The following CFAP299 variants were observed in gnomAD, a reference collection of about 807,000 sequenced individuals.
CFAP299 encodes cilia and flagella associated protein 299.
CFAP299 carries 21 observed loss-of-function variants against 27.0 expected under a neutral mutation model. The ratio of observed to expected loss-of-function variants is 0.78; its 90% CI spans 0.55 to 1.12. The LOEUF is 1.12. Among genes scored for constraint, CFAP299 ranks in the 50% most tolerant of loss-of-function variants. The pLI is 0.00. For missense variants in CFAP299, 310 were observed against 276.6 expected (o/e 1.12, Z -0.86); for synonymous variants, 104 against 98.1 (o/e 1.06, Z -0.36).
chr4:80,820,424 G>A (rs1285929258), intron 3 of CFAP299, among the ~76,000 whole-genome samples: 1 of 152,134 alleles, frequency 6.6e-6, no homozygotes, highest in Non-Finnish European at 1.5e-5. Context: ...GTAAAGGAGA[G>A]ATGGATGTAA....
At chr4:80,321,821 AC>A in the CFAP299 span, among the ~76,000 whole-genome samples, 2 of 152,156 alleles carry the variant, frequency 1.3e-5, no homozygotes, top group Non-Finnish European at 2.9e-5. Context: ...GGATGTGGAG[AC>A]CAAGAATAAT....
At chr4:80,702,063 T>C (rs1721523823) in intron 3 of CFAP299, among the ~76,000 whole-genome samples, 1 of 151,816 alleles carries the variant, frequency 6.6e-6, no homozygotes, top group African/African-American at 2.4e-5. Context: ...TCCAAACAGG[T>C]GGGAAAATGA....
At chr4:80,644,406 T>C (rs1420898638) in intron 3 of CFAP299, among the ~76,000 whole-genome samples, 2 of 152,108 alleles carry the variant, frequency 1.3e-5, no homozygotes, top group South Asian at 4.1e-4. Context: ...AGACTAAAAA[T>C]CAAAAACATC....
intron 3 of CFAP299, among the ~76,000 whole-genome samples, chr4:80,626,520 G>A (rs1738914313): frequency 1.3e-5 from 2 of 151,476 alleles, no homozygotes; most frequent in Admixed American, 6.6e-5. Flanking sequence ...TAAAAGGAAG[G>A]AAATAATAAA....
chr4:80,859,992 A>G (rs1732212269), intron 3 of CFAP299, among the ~76,000 whole-genome samples: 1 of 152,128 alleles, frequency 6.6e-6, no homozygotes, highest in African/African-American at 2.4e-5. Flanking sequence ...CCTGGATAAT[A>G]TCCTGCAGAG....
At chr4:80,394,780 T>C (rs1221131887) in intron 2 of CFAP299, among the ~76,000 whole-genome samples, 1 of 152,158 alleles carries the variant, frequency 6.6e-6, no homozygotes, top group East Asian at 1.9e-4. Context: ...GTTCATTGGC[T>C]TGTATGTCTG....
chr4:80,816,816 C>T (rs893069961), intron 3 of CFAP299, among the ~76,000 whole-genome samples: 15 of 152,130 alleles, frequency 9.9e-5, no homozygotes, highest in African/African-American at 2.7e-4. Flanking sequence ...ACATAAAATA[C>T]GCTGCCACTA....
At chr4:80,771,273 A>T (rs916437116) in intron 3 of CFAP299, among the ~76,000 whole-genome samples, 1 of 152,124 alleles carries the variant, frequency 6.6e-6, no homozygotes, top group Admixed American at 6.6e-5. Flanking sequence ...ACCAGCATAG[A>T]TGTTTATGCT....
chr4:80,566,842 C>T (rs1735318616), intron 2 of CFAP299, among the ~76,000 whole-genome samples: 1 of 151,972 alleles, frequency 6.6e-6, no homozygotes, highest in Non-Finnish European at 1.5e-5. Context: ...CGAACACATT[C>T]AGACACAAAG....
At chr4:80,869,596 C>T (rs536506395) in intron 3 of CFAP299, among the ~76,000 whole-genome samples, 1 of 152,290 alleles carries the variant, frequency 6.6e-6, no homozygotes, top group South Asian at 2.1e-4. Context: ...TCACTGCAAC[C>T]TCTGCTTCCT....
chr4:80,921,542 T>C (rs912231346), intron 4 of CFAP299, among the ~76,000 whole-genome samples: 14 of 152,158 alleles, frequency 9.2e-5, no homozygotes, highest in African/African-American at 3.4e-4. Flanking sequence ...AAACTATCAG[T>C]AGTTCAGGGT....
intron 2 of CFAP299, among the ~76,000 whole-genome samples, chr4:80,442,166 C>A (rs950208584): frequency 2.0e-5 from 3 of 152,104 alleles, no homozygotes; most frequent in Non-Finnish European, 4.4e-5. Flanking sequence ...AGAAAATTAA[C>A]AAGGATATTC....
At position 80,413,288 on chromosome 4, in the gene CFAP299, C is replaced by T. The variant is rs145265222; in HGVS notation, c.242+50404C>T. 6.3e-4 allele frequency among the ~76,000 whole-genome samples: 96 copies of T among 152,242 alleles called. 1 individual carries two copies. Among genetic ancestry groups the T allele is most frequent in the African/African-American group, 2.2e-3 (92 of 41,540 alleles). On this transcript the variant is annotated intron_variant, in intron 2 of 5. Coordinates refer to ENST00000358105, the MANE Select transcript of CFAP299 (RefSeq NM_152770.3). Reference sequence around the variant, plus strand: ...GCTGGCTGTGGCTTTGAAGCCTTACCCTTAGGTGATTGTGAAAGCAGCAGG... The same window carrying T: ...GCTGGCTGTGGCTTTGAAGCCTTACTCTTAGGTGATTGTGAAAGCAGCAGG...
chr4:80,533,933 C>T (rs1284917642), intron 2 of CFAP299, among the ~76,000 whole-genome samples: 1 of 151,926 alleles, frequency 6.6e-6, no homozygotes, highest in Non-Finnish European at 1.5e-5. Context: ...ATGATAGGTT[C>T]ATAATATTAT....
chr4:80,354,703 T>G (rs954898410), intron 1 of CFAP299, among the ~76,000 whole-genome samples: 6 of 152,130 alleles, frequency 3.9e-5, no homozygotes, highest in Non-Finnish European at 8.8e-5. Flanking sequence ...TGCCAGTGTG[T>G]GTTTTTTCCC....
intron 2 of CFAP299, among the ~76,000 whole-genome samples, chr4:80,400,236 G>C (rs1726073012): frequency 6.6e-6 from 1 of 152,090 alleles, no homozygotes; most frequent in Admixed American, 6.6e-5. Context: ...ACTATCCTTT[G>C]CTGATGTGTG....
At chr4:80,634,784 A>G (rs968042299) in intron 3 of CFAP299, among the ~76,000 whole-genome samples, 1 of 152,102 alleles carries the variant, frequency 6.6e-6, no homozygotes, top group Non-Finnish European at 1.5e-5. Flanking sequence ...AGGAATTTTT[A>G]GTTCTTTGAA....
At chr4:80,344,269 A>G (rs1174333358) in intron 1 of CFAP299, among the ~76,000 whole-genome samples, 2 of 151,950 alleles carry the variant, frequency 1.3e-5, no homozygotes, top group African/African-American at 2.4e-5. Flanking sequence ...GTAAAAAAAA[A>G]AGAGAGAGAG....
chr4:80,570,563 C>T (rs975985565), intron 2 of CFAP299, among the ~76,000 whole-genome samples: 1 of 152,014 alleles, frequency 6.6e-6, no homozygotes, highest in Admixed American at 6.6e-5. Flanking sequence ...TAACCTCACA[C>T]TGGATTGCTT....
Sources: allele counts gnomAD v4.1 joint callset (sites outside exome capture counted in the v4.1 genomes callset), GRCh38; gene constraint gnomAD v4.1.1; transcripts MANE v1.5; gene names NCBI Gene and HGNC (gene_info 2026-07-23, HGNC 2026-07-21).